The following ATP6V0C variants were observed in gnomAD, a reference collection of about 807,000 sequenced individuals.
The protein encoded by ATP6V0C is V-type proton ATPase 16 kDa proteolipid subunit c.
Under a neutral mutation model 10.6 loss-of-function variants are expected in ATP6V0C, and 2 were observed. The ratio of observed to expected loss-of-function variants is 0.19; its 90% CI spans 0.08 to 0.59. ATP6V0C has a LOEUF of 0.59. Among genes scored for constraint, ATP6V0C ranks in the 20% least tolerant of loss-of-function variants. ATP6V0C has a pLI of 0.90. For missense variants in ATP6V0C, 89 were observed against 225.9 expected, an observed-to-expected ratio of 0.39 and a Z score of 3.88; for synonymous variants, 128 against 101.3, an observed-to-expected ratio of 1.26 and a Z score of -1.59.
chr16:2,515,568 C>G (rs1463846062), intron 1 of ATP6V0C, among the ~76,000 whole-genome samples: 1 of 152,116 alleles, frequency 6.6e-6, no homozygotes, highest in Non-Finnish European at 1.5e-5. Flanking sequence ...AAGAAGTGGT[C>G]TAGACTTCTC....
Position 2,519,973 on chromosome 16 carries a change from C to T in ATP6V0C, c.*228C>T, listed in dbSNP as rs781723206. Reference sequence around the variant, plus strand: ...GCCCCTCCAGGCCCCCGGCGCCCCACCCCCTAGAGTGCTCTGTGTATGCGG... The same window carrying T: ...GCCCCTCCAGGCCCCCGGCGCCCCATCCCCTAGAGTGCTCTGTGTATGCGG... On this transcript the variant is annotated 3_prime_UTR_variant, in exon 3 of 3. Transcript: ENST00000330398. The T allele has an allele frequency of 2.8e-6, 2 of 707,484 alleles. No homozygotes were observed. Among genetic ancestry groups the T allele is most frequent in the Non-Finnish European group, 5.1e-6 (2 of 392,272 alleles). 43.8% of individuals were successfully genotyped at this position (707,484 alleles called of 1,614,324 possible). A position where few individuals can be genotyped will look rare whatever the true frequency, so the allele number is the denominator to read the frequency against.
intron 1 of ATP6V0C, among the ~76,000 whole-genome samples, chr16:2,516,127 C>G (rs995579966): frequency 3.4e-5 from 5 of 146,190 alleles, no homozygotes; most frequent in African/African-American, 1.3e-4. Context: ...TTTCTCCCCT[C>G]CTCAAGACAG....
chr16:2,514,063 C>A lies in ATP6V0C; in HGVS notation c.-41C>A, dbSNP rs371470308. ...CCGTCCTCGCCCCCGCCTCCGCCAC[C>A]GCCTCGGCCCGCAGAGCTTGCCCCC... is the stretch of plus-strand genomic sequence containing the variant. On this transcript the variant is annotated 5_prime_UTR_variant, in exon 1 of 3. Transcript: ENST00000330398. The A allele has an allele frequency of 2.0e-6, 3 of 1,529,458 alleles. No individual in the cohort carries two copies. Among genetic ancestry groups the A allele is most frequent in the African/African-American group, 2.9e-5 (2 of 69,754 alleles). The allele number at this position is 1,529,458 out of a possible 1,614,324, so 94.7% of individuals were successfully genotyped here. A position where few individuals can be genotyped will look rare whatever the true frequency, so the allele number is the denominator to read the frequency against.
At chr16:2,518,748 T>G (rs1006705299) in intron 1 of ATP6V0C, among the ~76,000 whole-genome samples, 1 of 152,200 alleles carries the variant, frequency 6.6e-6, no homozygotes, top group African/African-American at 2.4e-5. Flanking sequence ...CAGCTGCTTC[T>G]GACCCTCCGG....
At chr16:2,514,477 A>G (rs901656252) in intron 1 of ATP6V0C, 4 of 133,970 alleles carry the variant, frequency 3.0e-5, no homozygotes, top group East Asian at 5.1e-4. Flanking sequence ...CGCCGCTGCC[A>G]TATTAGCCCC....
At position 2,518,608 on chromosome 16, in the gene ATP6V0C, G is replaced by A. The variant is rs558469935; in HGVS notation, c.80-610G>A. On this transcript the variant is annotated intron_variant, in intron 1 of 2. Transcript: ENST00000330398. ...TCAGGCCTGCTGTGTGGCTGAGGGT[G>A]CTGAGAGCTGCCCTTTCTGGCAGAA... 5.9e-5 allele frequency among the ~76,000 whole-genome samples: 9 copies of A among 152,360 alleles called. No homozygotes were observed. In the South Asian group the frequency reaches 1.4e-3, roughly 25 times the overall value.
chr16:2,518,548 G>C lies in ATP6V0C; in HGVS notation c.80-670G>C, dbSNP rs117643480. 6.0e-4 allele frequency among the ~76,000 whole-genome samples: 92 copies of C among 152,362 alleles called. 1 individual carries two copies. In the East Asian group the frequency reaches 0.014, roughly 24 times the overall value. Reference sequence around the variant, plus strand: ...CTCTTCTTGGCTCACCCTGTCTCCTGTCTGGTAGAGAAGATTCTCCAATCT... The same window carrying C: ...CTCTTCTTGGCTCACCCTGTCTCCTCTCTGGTAGAGAAGATTCTCCAATCT... On this transcript the variant is annotated intron_variant, in intron 1 of 2. Transcript: ENST00000330398.
chr16:2,514,352 A>C, intron 1 of ATP6V0C, 170 bp downstream of exon 1: 1 of 565,386 alleles, frequency 1.8e-6, no homozygotes, highest in Non-Finnish European at 2.6e-6. Context: ...GGCTGCGGGG[A>C]GCCGCCGGGG....
intron 1 of ATP6V0C, among the ~76,000 whole-genome samples, chr16:2,516,305 C>T (rs952860390): frequency 3.3e-5 from 5 of 151,916 alleles, no homozygotes; most frequent in East Asian, 1.9e-4. Context: ...GACAGGGTCT[C>T]GCCATGTGGC....
chr16:2,516,226 C>T (rs151055573), intron 1 of ATP6V0C, among the ~76,000 whole-genome samples: 63 of 151,964 alleles, frequency 4.1e-4, no homozygotes, highest in Middle Eastern at 6.8e-3. Flanking sequence ...AATCCTCCTG[C>T]CTCAGCCTCC....
At chr16:2,519,161 T>TCC in intron 1 of ATP6V0C, 57 bp from the exon 2 acceptor site, 1 of 1,517,902 alleles carries the variant, frequency 6.6e-7, no homozygotes, top group East Asian at 2.4e-5. Flanking sequence ...CACCTCGGGG[T>TCC]CCTAGTCTCA....
rs1567125213 is a variant in ATP6V0C, at chr16:2,520,202, A to G, written c.*457A>G. The G allele has an allele frequency of 2.1e-6, 1 of 468,054 alleles. No homozygotes were observed. Among genetic ancestry groups the G allele is most frequent in the Non-Finnish European group, 3.8e-6 (1 of 260,654 alleles). 29.0% of individuals were successfully genotyped at this position (468,054 alleles called of 1,614,324 possible). Reference sequence around the variant, plus strand: ...GGCCCTGCGCGGAGCTGTGTCCAATAAAGTTCTTGGATGTGACGGGCCTGT... The same window carrying G: ...GGCCCTGCGCGGAGCTGTGTCCAATGAAGTTCTTGGATGTGACGGGCCTGT... On this transcript the variant is annotated 3_prime_UTR_variant, in exon 3 of 3. Transcript: ENST00000330398.
Position 2,519,587 on chromosome 16 carries a change from C to T in ATP6V0C, c.310C>T (p.Leu104=). ...CGGCCTGAGCGTGGGCCTGAGCGGC[C>T]TGGCAGCCGGCTTTGCCATCGGCAT... is the stretch of plus-strand genomic sequence containing the variant. ...GAGLSVGLSG[L]AAGFAIGIVG... Residue 104 remains leucine, a synonymous_variant, in exon 3 of 3, where the codon CTG becomes TTG. Coordinates refer to ENST00000330398, the MANE Select transcript of ATP6V0C (RefSeq NM_001694.4). 1 of 1,583,480 alleles carries T rather than the reference C, an allele frequency of 6.3e-7. No individual in the cohort carries two copies. The highest frequency in any genetic ancestry group is 8.6e-7 in the Non-Finnish European group (1 of 1,160,486).
intron 1 of ATP6V0C, chr16:2,516,578 C>G (rs943825354): frequency 6.6e-6 from 1 of 152,508 alleles, no homozygotes; most frequent in Non-Finnish European, 1.5e-5. Context: ...CTGCCTGGCA[C>G]TGACGGATTG....
chr16:2,514,464 CG>C, intron 1 of ATP6V0C: 1 of 134,022 alleles, frequency 7.5e-6, no homozygotes, highest in East Asian at 2.5e-4. Flanking sequence ...GGTGGGGCGG[CG>C]GCGCCGCTGC....
At chr16:2,518,322 G>C (rs897558743) in intron 1 of ATP6V0C, among the ~76,000 whole-genome samples, 7 of 152,270 alleles carry the variant, frequency 4.6e-5, no homozygotes, top group Non-Finnish European at 8.8e-5. Flanking sequence ...TCTTGGGAGA[G>C]GAAGGAGGGA....
At chr16:2,514,276 C>T (rs2065865640) in intron 1 of ATP6V0C, 94 bp downstream of exon 1, 13 of 1,339,224 alleles carry the variant, frequency 9.7e-6, no homozygotes, top group South Asian at 8.8e-5. Flanking sequence ...GTCACTCTGA[C>T]GTAATCCCGA....
At position 2,519,366 on chromosome 16, in the gene ATP6V0C, C is replaced by A. The variant is rs369475799; in HGVS notation, c.228C>A (p.Ile76=). 1 of 1,613,972 alleles carries A rather than the reference C, an allele frequency of 6.2e-7. No individual in the cohort carries two copies. The highest frequency in any genetic ancestry group is 8.5e-7 in the Non-Finnish European group (1 of 1,179,870). Residue 76 remains isoleucine, a synonymous_variant, in exon 2 of 3, where the codon ATC becomes ATA. Coordinates refer to ENST00000330398, the MANE Select transcript of ATP6V0C (RefSeq NM_001694.4). ...AIYGLVVAVL[I]ANSLNDDISL... is the part of the protein sequence containing the mutation. ...ACGGCCTGGTGGTGGCAGTCCTCAT[C>A]GCCAACTCCCTGAATGACGACATCA...
In ATP6V0C at chr16:2,519,294, C is replaced by G. The variant is rs745772863; in HGVS notation, c.156C>G (p.Ile52Met). The change falls in exon 2 of 3, where the codon ATC becomes ATG. Residue 52 changes from isoleucine (I) to methionine (M), a missense_variant. Around this residue, in one of 4 missense-constraint regions of ATP6V0C, gnomAD observed 18 missense variants for 79.5 expected, o/e 0.23. Coordinates refer to ENST00000330398, the MANE Select transcript of ATP6V0C (RefSeq NM_001694.4). ...TGTCTGTCATGCGGCCGGAGCAGAT[C>G]ATGAAGTCCATCATCCCAGTGGTCA... ...AAMSVMRPEQ[I>M]MKSIIPVVMA... The G allele has an allele frequency of 6.2e-7, 1 of 1,614,192 alleles. No homozygotes were observed. The highest frequency in any genetic ancestry group is 1.3e-5 in the African/African-American group (1 of 75,072).
Sources: allele counts gnomAD v4.1 joint callset (sites outside exome capture counted in the v4.1 genomes callset), GRCh38; gene constraint gnomAD v4.1.1; regional missense constraint gnomAD v4.1.1; transcripts MANE v1.5; gene names NCBI Gene and HGNC (gene_info 2026-07-23, HGNC 2026-07-21).